The following MYCBP2 variants were observed in gnomAD, a reference collection of about 807,000 sequenced individuals.
MYCBP2 encodes the protein MYC binding protein 2.
A neutral mutation model predicts 525.3 loss-of-function variants in MYCBP2; 120 were observed. That is an observed-to-expected ratio of 0.23 (90% CI 0.20 to 0.27). The LOEUF (loss-of-function observed/expected upper bound fraction) is 0.27. MYCBP2 is among the 10% of genes least tolerant of loss of function. The pLI, the probability that MYCBP2 is intolerant of heterozygous loss-of-function variation, is 1.00. For synonymous variants in MYCBP2, 1,894 were observed against 1,955.8 expected, an observed-to-expected ratio of 0.97 and a Z score of 0.83; for missense variants, 4,149 against 5,657.1, an observed-to-expected ratio of 0.73 and a Z score of 8.55.
intron 17 of MYCBP2, among the ~76,000 whole-genome samples, chr13:77,233,921 T>C (rs2067499220): frequency 6.6e-6 from 1 of 151,768 alleles, no homozygotes; most frequent in Admixed American, 6.6e-5. Context: ...TTTATATTGA[T>C]GGTAAAGGGG....
intron 1 of MYCBP2, among the ~76,000 whole-genome samples, chr13:77,307,219 C>A (rs532702346): frequency 1.3e-5 from 2 of 152,260 alleles, no homozygotes; most frequent in South Asian, 4.1e-4. Context: ...CAAGTATGCA[C>A]TTCCTCTCAT....
rs1419420187 is a variant in MYCBP2, at chr13:77,058,148, T to C, written c.13329+70A>G. On this transcript the variant is annotated intron_variant, in intron 78 of 82. Transcript: ENST00000544440. This position sits in a 1 kb window ranked among gnomAD's most constrained non-coding sequence, Gnocchi z 4.1. ...AGCCACTGCGCCCGGCCTCAATCAA[T>C]GTTTATTTGACAAATATATTCCCCA... The C allele has an allele frequency of 2.0e-6, 3 of 1,534,038 alleles. No individual in the cohort carries two copies. Among genetic ancestry groups the C allele is most frequent in the Non-Finnish European group, 2.7e-6 (3 of 1,127,756 alleles).
intron 47 of MYCBP2, among the ~76,000 whole-genome samples, chr13:77,150,104 A>G (rs976871747): frequency 6.6e-6 from 1 of 152,218 alleles, no homozygotes; most frequent in African/African-American, 2.4e-5. Flanking sequence ...GCCTCTGAAG[A>G]TAACTAAAAC....
chr13:77,284,792 T>A (rs2076564065), intron 3 of MYCBP2, among the ~76,000 whole-genome samples: 1 of 152,226 alleles, frequency 6.6e-6, no homozygotes, highest in East Asian at 1.9e-4. Context: ...TCTCAAGCAC[T>A]CAACATCCAT....
At chr13:77,291,722 G>A (rs1034224065) in intron 2 of MYCBP2, among the ~76,000 whole-genome samples, 1 of 151,712 alleles carries the variant, frequency 6.6e-6, no homozygotes, top group African/African-American at 2.4e-5. Flanking sequence ...AGCCGAGATC[G>A]TGCCATTGCA....
chr13:77,184,967 A>G, intron 32 of MYCBP2, 136 bp downstream of exon 32: 1 of 853,844 alleles, frequency 1.2e-6, no homozygotes. Context: ...TTGCTTATAT[A>G]AGTCATGTAC....
chr13:77,166,583 TAC>T, intron 40 of MYCBP2, 29 bp from the exon 41 acceptor site: 1 of 1,474,866 alleles, frequency 6.8e-7, no homozygotes, highest in Non-Finnish European at 9.4e-7. Context: ...GTGACATGAA[TAC>T]AGATATATAT....
intron 60 of MYCBP2, 82 bp from the exon 61 acceptor site, chr13:77,089,113 A>C: frequency 9.7e-7 from 1 of 1,033,196 alleles, no homozygotes; most frequent in South Asian, 1.9e-5. Flanking sequence ...TATTCACTTA[A>C]AGCCTTTGTC....
chr13:77,232,636 T>A (rs2067288041), intron 18 of MYCBP2, among the ~76,000 whole-genome samples: 1 of 152,226 alleles, frequency 6.6e-6, no homozygotes, highest in Admixed American at 6.5e-5. Flanking sequence ...CACTTATCTC[T>A]ACTTAACCCA....
intron 26 of MYCBP2, among the ~76,000 whole-genome samples, chr13:77,196,585 C>G (rs9574012): frequency 0.11 from 16,154 of 152,026 alleles, 1,163 homozygotes; most frequent in East Asian, 0.22. Context: ...AATATTTGCT[C>G]CCGAAGTGGA....
At position 77,077,407 on chromosome 13, in the gene MYCBP2, G is replaced by A. The variant is rs1202479671; in HGVS notation, c.11485-20C>T. On this transcript the variant is annotated intron_variant, in intron 66 of 82. Coordinates refer to ENST00000544440, the MANE Select transcript of MYCBP2 (RefSeq NM_015057.5). ...ATCAACCTGGTTGAGTAGAAAAGAG[G>A]CAGGAACCTGATTCAGCTGGATCAC... 3 of 1,612,750 alleles carry A rather than the reference G, an allele frequency of 1.9e-6. No individual in the cohort carries two copies. The highest frequency in any genetic ancestry group is 4.5e-5 in the East Asian group (2 of 44,872).
intron 26 of MYCBP2, among the ~76,000 whole-genome samples, chr13:77,197,087 T>C (rs2061834565): frequency 6.6e-6 from 1 of 152,132 alleles, no homozygotes. Flanking sequence ...TGGGTTAAAT[T>C]CAGCTGACTG....
chr13:77,097,563 C>T lies in MYCBP2; in HGVS notation c.9591G>A (p.Glu3197=). 6.2e-7 allele frequency: 1 copy of T among 1,613,080 alleles called. No homozygotes were observed. The highest frequency in any genetic ancestry group is 8.5e-7 in the Non-Finnish European group (1 of 1,179,706). The change falls in exon 56 of 83, where the codon GAG becomes GAA. Residue 3197 remains glutamate (E), a synonymous_variant. Coordinates refer to ENST00000544440, the MANE Select transcript of MYCBP2 (RefSeq NM_015057.5). ...PGSCAVLKKK[E]CEKENKKSKK... ...TGGACTTCTTATTCTCTTTCTCACA[C>T]TCTTTCTTTTTAAGAACTGCACAGG...
intron 52 of MYCBP2, 104 bp downstream of exon 52, chr13:77,139,092 C>T: frequency 1.6e-6 from 2 of 1,247,672 alleles, no homozygotes; most frequent in Non-Finnish European, 2.2e-6. Flanking sequence ...GTAAAGGTTA[C>T]TTAGTTGTGG....
At chr13:77,072,511 G>A (rs1348162711) in intron 68 of MYCBP2, among the ~76,000 whole-genome samples, 1 of 151,932 alleles carries the variant, frequency 6.6e-6, no homozygotes, top group Non-Finnish European at 1.5e-5. Flanking sequence ...AGAAAAAGAT[G>A]AACAAATGAA....
intron 19 of MYCBP2, among the ~76,000 whole-genome samples, chr13:77,224,777 A>G (rs1259277731): frequency 2.6e-5 from 4 of 152,186 alleles, no homozygotes; most frequent in African/African-American, 9.6e-5. Flanking sequence ...ATGCCATTTA[A>G]TAACATTAAT....
chr13:77,127,004 C>A (rs1413026744), intron 52 of MYCBP2, among the ~76,000 whole-genome samples: 1 of 151,750 alleles, frequency 6.6e-6, no homozygotes, highest in Non-Finnish European at 1.5e-5. Flanking sequence ...ATAGAGAAAA[C>A]AGGTATGAAG....
intron 47 of MYCBP2, 142 bp from the exon 48 acceptor site, chr13:77,146,359 A>G: frequency 4.8e-6 from 2 of 415,574 alleles, no homozygotes; most frequent in Non-Finnish European, 8.3e-6. Context: ...TACCTACTTT[A>G]GACCATTTAT....
chr13:77,185,665 T>C (rs2154252270), intron 31 of MYCBP2, among the ~76,000 whole-genome samples: 1 of 152,352 alleles, frequency 6.6e-6, no homozygotes, highest in South Asian at 2.1e-4. Context: ...TGGCCCACTA[T>C]TACTTTTTGT....
Sources: allele counts gnomAD v4.1 joint callset (sites outside exome capture counted in the v4.1 genomes callset), GRCh38; gene constraint gnomAD v4.1.1; non-coding constraint Gnocchi (gnomAD v3.1); transcripts MANE v1.5; gene names NCBI Gene and HGNC (gene_info 2026-07-23, HGNC 2026-07-21).